CEP112: variants seen among roughly 807,000 people sequenced by gnomAD.
The protein encoded by CEP112 is centrosomal protein of 112 kDa.
CEP112 carries 127 observed loss-of-function variants against 153.0 expected under a neutral mutation model. The ratio of observed to expected loss-of-function variants is 0.83; its 90% CI spans 0.72 to 0.96. CEP112 has a LOEUF of 0.96. Ranked by LOEUF, CEP112 falls within the 40% of genes least tolerant of loss-of-function variation. CEP112 has a pLI of 0.00. For synonymous variants in CEP112, 358 were observed against 374.4 expected, an observed-to-expected ratio of 0.96 and a Z score of 0.51; for missense variants, 1,089 against 1,101.2, an observed-to-expected ratio of 0.99 and a Z score of 0.16.
intron 11 of CEP112, among the ~76,000 whole-genome samples, chr17:66,056,261 G>A (rs1443167748): frequency 1.3e-5 from 2 of 152,104 alleles, no homozygotes; most frequent in African/African-American, 2.4e-5. Context: ...ACAGAAATCT[G>A]TCCCAAATAA....
chr17:66,104,926 T>C (rs947885364), intron 6 of CEP112, among the ~76,000 whole-genome samples: 1 of 152,142 alleles, frequency 6.6e-6, no homozygotes, highest in East Asian at 1.9e-4. Context: ...TGTGCAATAA[T>C]GAATCATCTA....
At position 66,176,859 on chromosome 17, in the gene CEP112, C is replaced by T. The variant is rs529616408; in HGVS notation, c.268G>A (p.Gly90Arg). The T allele has an allele frequency of 7.3e-5, 117 of 1,611,352 alleles. 3 individuals carry two copies. In the South Asian group the frequency reaches 1.1e-3, roughly 16 times the overall value. Reference sequence around the variant, plus strand: ...TATGAAGGTAGAATTTTTAGTGTCCCGGGTTCAGGTCGGTGTGTAAAAGGG... The same window carrying T: ...TATGAAGGTAGAATTTTTAGTGTCCTGGGTTCAGGTCGGTGTGTAAAAGGG... Reference protein sequence around the residue: ...EGPFTHRPEPGTLKILPSYMS... With the variant: ...EGPFTHRPEPRTLKILPSYMS... The change falls in exon 3 of 27, where the codon GGG becomes AGG. Residue 90 changes from glycine (G) to arginine (R), a missense_variant. Gly to Arg is a moderately radical substitution (Grantham distance 125). Transcript: ENST00000535342.
At chr17:66,104,208 G>C (rs2068684738) in intron 6 of CEP112, among the ~76,000 whole-genome samples, 1 of 152,178 alleles carries the variant, frequency 6.6e-6, no homozygotes, top group African/African-American at 2.4e-5. Flanking sequence ...GCAGCTCTGA[G>C]AGAGACTCCT....
At chr17:66,141,630 A>G (rs2070704336) in intron 4 of CEP112, among the ~76,000 whole-genome samples, 1 of 152,152 alleles carries the variant, frequency 6.6e-6, no homozygotes, top group Admixed American at 6.6e-5. Flanking sequence ...TTTGACTACT[A>G]TATAGTATTT....
At chr17:65,859,464 A>G (rs903576685) in intron 20 of CEP112, among the ~76,000 whole-genome samples, 1 of 151,478 alleles carries the variant, frequency 6.6e-6, no homozygotes, top group Non-Finnish European at 1.5e-5. Context: ...AAGAAAAGAA[A>G]AGAAAAGAAA....
intron 23 of CEP112, among the ~76,000 whole-genome samples, chr17:65,691,455 C>T (rs892733605): frequency 6.6e-6 from 1 of 152,122 alleles, no homozygotes; most frequent in African/African-American, 2.4e-5. Context: ...CATAGATTGC[C>T]TGAAGCCCAT....
At chr17:66,149,884 G>GGTT (rs2071105490) in intron 4 of CEP112, among the ~76,000 whole-genome samples, 1 of 46,838 alleles carries the variant, frequency 2.1e-5, no homozygotes, top group South Asian at 1.1e-3. Context: ...TTTTTTGTTT[G>GGTT]TTTGTTTTTT....
At chr17:65,991,703 T>C (rs1054229014) in intron 17 of CEP112, among the ~76,000 whole-genome samples, 1 of 152,162 alleles carries the variant, frequency 6.6e-6, no homozygotes, top group Non-Finnish European at 1.5e-5. Context: ...TATTCAAGTT[T>C]GCAGGCTTCC....
chr17:65,753,106 C>G (rs2051992386), intron 21 of CEP112, among the ~76,000 whole-genome samples: 1 of 152,138 alleles, frequency 6.6e-6, no homozygotes, highest in South Asian at 2.1e-4. Context: ...TGAGTTCTGT[C>G]CACTACCTTT....
chr17:66,083,015 T>G (rs560513851), intron 8 of CEP112, among the ~76,000 whole-genome samples: 1 of 152,146 alleles, frequency 6.6e-6, no homozygotes, highest in South Asian at 2.1e-4. Context: ...GGCTAAATAT[T>G]TTAAGACTCA....
At chr17:66,078,418 C>T (rs1382805955) in intron 8 of CEP112, among the ~76,000 whole-genome samples, 4 of 151,744 alleles carry the variant, frequency 2.6e-5, no homozygotes, top group African/African-American at 9.7e-5. Flanking sequence ...CCACCACGCC[C>T]GGCTAATTTT....
chr17:66,091,764 TAAAC>T (rs941229081), intron 8 of CEP112, among the ~76,000 whole-genome samples: 3 of 151,274 alleles, frequency 2.0e-5, no homozygotes, highest in African/African-American at 4.9e-5. Context: ...TTTGAAAAGA[TAAAC>T]AAAATTGACA....
chr17:65,809,276 A>T (rs1297776611), intron 21 of CEP112, among the ~76,000 whole-genome samples: 2 of 152,226 alleles, frequency 1.3e-5, no homozygotes, highest in Non-Finnish European at 2.9e-5. Context: ...GTAGGGGATA[A>T]GCTGAAGAGA....
intron 16 of CEP112, among the ~76,000 whole-genome samples, chr17:66,013,267 G>A (rs1443749551): frequency 6.6e-6 from 1 of 152,200 alleles, no homozygotes; most frequent in African/African-American, 2.4e-5. Context: ...TAGTGTGGGT[G>A]TCTGTAGGTA....
At chr17:66,067,594 G>T (rs1010788531) in intron 9 of CEP112, among the ~76,000 whole-genome samples, 3 of 152,092 alleles carry the variant, frequency 2.0e-5, no homozygotes, top group Non-Finnish European at 2.9e-5. Flanking sequence ...ATTTTTGTAA[G>T]TCTATCTCAG....
intron 22 of CEP112, among the ~76,000 whole-genome samples, chr17:65,749,449 A>T (rs551126594): frequency 1.3e-5 from 2 of 152,190 alleles, no homozygotes; most frequent in East Asian, 3.9e-4. Context: ...TGGAGCTTGC[A>T]GTGAGCCGAG....
chr17:65,949,537 T>C (rs1223505446), intron 18 of CEP112, among the ~76,000 whole-genome samples: 1 of 152,174 alleles, frequency 6.6e-6, no homozygotes, highest in Non-Finnish European at 1.5e-5. Flanking sequence ...CCTAGAGGCA[T>C]GCGCCAAATT....
At chr17:66,125,026 G>GT (rs1264371334) in intron 6 of CEP112, among the ~76,000 whole-genome samples, 2 of 151,922 alleles carry the variant, frequency 1.3e-5, no homozygotes, top group African/African-American at 4.8e-5. Flanking sequence ...GGCTTTGTTT[G>GT]TTTTTTATGA....
intron 21 of CEP112, among the ~76,000 whole-genome samples, chr17:65,813,593 T>C (rs2056105328): frequency 6.6e-6 from 1 of 152,204 alleles, no homozygotes; most frequent in African/African-American, 2.4e-5. Flanking sequence ...AACTTGTAGC[T>C]GTGTAACTCT....
Sources: gnomAD v4.1 joint callset for allele counts (sites outside exome capture counted in the v4.1 genomes callset) on GRCh38, gnomAD v4.1.1 for gene constraint, MANE v1.5 for transcripts, NCBI Gene and HGNC (gene_info 2026-07-23, HGNC 2026-07-21) for gene names.